GRIA1: variants seen among roughly 807,000 people sequenced by gnomAD.
GRIA1 encodes the protein glutamate receptor 1.
Under a neutral mutation model 99.2 loss-of-function variants are expected in GRIA1, and 31 were observed. That is an observed-to-expected ratio of 0.31 (90% CI 0.23 to 0.42). The LOEUF (loss-of-function observed/expected upper bound fraction) is 0.42, where lower values mean the gene tolerates loss of function less well. GRIA1 is among the 10% of genes least tolerant of loss of function. The pLI is 1.00. For synonymous variants in GRIA1, 438 were observed against 432.4 expected (o/e 1.01, Z -0.16); for missense variants, 782 against 1,157.5 (o/e 0.68, Z 4.71).
chr5:153,647,539 T>C (rs927122477), intron 3 of GRIA1, among the ~76,000 whole-genome samples: 7 of 152,174 alleles, frequency 4.6e-5, no homozygotes, highest in African/African-American at 1.7e-4. Flanking sequence ...TCAGCACTTA[T>C]ATAATGGGGA....
chr5:153,671,011 A>G (rs1251214561), intron 5 of GRIA1, among the ~76,000 whole-genome samples: 1 of 152,094 alleles, frequency 6.6e-6, no homozygotes, highest in Non-Finnish European at 1.5e-5. Context: ...ACCACAAGTT[A>G]TTTCCTAATT....
intron 2 of GRIA1, among the ~76,000 whole-genome samples, chr5:153,638,954 G>A (rs1753586817): frequency 6.6e-6 from 1 of 152,188 alleles, no homozygotes; most frequent in Admixed American, 6.5e-5. Flanking sequence ...GAGGCAGGAG[G>A]CCTGTGCAGG....
chr5:153,584,576 G>T (rs915875131), intron 2 of GRIA1, among the ~76,000 whole-genome samples: 5 of 152,106 alleles, frequency 3.3e-5, no homozygotes, highest in Admixed American at 1.3e-4. Flanking sequence ...TCAGCTAGTT[G>T]CCCAAATGAT....
chr5:153,685,550 A>G (rs921607541), intron 7 of GRIA1, among the ~76,000 whole-genome samples: 2 of 152,184 alleles, frequency 1.3e-5, no homozygotes, highest in Admixed American at 6.5e-5. Context: ...TGAAGTTTTC[A>G]CACCACTTTC....
Position 153,677,017 on chromosome 5 carries a change from T to TG in GRIA1, c.889dup (p.Val297GlyfsTer6). 6.6e-7 allele frequency: 1 copy of TG among 1,522,348 alleles called. No individual in the cohort carries two copies. The highest frequency in any genetic ancestry group is 8.9e-7 in the Non-Finnish European group (1 of 1,127,396). The allele number at this position is 1,522,348 out of a possible 1,614,324, so 94.3% of individuals were successfully genotyped here. ...AGTACACCTCTGCGCTCACCTACGATGGGGTGAAGGTGATGGCTGAGGCTT... is the reference window on the plus strand; with the variant it reads ...AGTACACCTCTGCGCTCACCTACGATGGGGGTGAAGGTGATGGCTGAGGCTT... On this transcript the variant is annotated frameshift_variant, in exon 7 of 16. Coordinates refer to ENST00000285900, the MANE Select transcript of GRIA1 (RefSeq NM_000827.4). LOFTEE classifies it high-confidence loss of function.
At chr5:153,575,082 G>C (rs1395778158) in intron 2 of GRIA1, among the ~76,000 whole-genome samples, 3 of 152,010 alleles carry the variant, frequency 2.0e-5, no homozygotes, top group African/African-American at 4.8e-5. Flanking sequence ...TTTTGAGCTG[G>C]CAATCTCAGG....
At chr5:153,698,223 G>C (rs556440531) in intron 9 of GRIA1, 69 bp downstream of exon 9, 2 of 836,956 alleles carry the variant, frequency 2.4e-6, no homozygotes, top group Non-Finnish European at 3.9e-6. Flanking sequence ...TTTTCCACCA[G>C]GACTGAAAGC....
Position 153,636,879 on chromosome 5 carries a change from A to G in GRIA1, c.221-10049A>G, listed in dbSNP as rs143798725. Among the ~76,000 whole-genome samples the G allele has an allele frequency of 3.9e-5, 6 of 152,342 alleles. No individual in the cohort carries two copies. In the East Asian group the frequency reaches 1.2e-3, roughly 29 times the overall value. On this transcript the variant is annotated intron_variant, in intron 2 of 15. Coordinates refer to ENST00000285900, the MANE Select transcript of GRIA1 (RefSeq NM_000827.4). ...AGAATGAAAGCTCTGGTTTGTGTTG[A>G]TGGACTCTCAGGGGATGGAGTAGCA...
chr5:153,750,315 C>T (rs1337794345), intron 11 of GRIA1, among the ~76,000 whole-genome samples: 3 of 152,204 alleles, frequency 2.0e-5, no homozygotes, highest in Non-Finnish European at 4.4e-5. Flanking sequence ...TGAGCCTGTG[C>T]CTTTATGCCC....
intron 3 of GRIA1, among the ~76,000 whole-genome samples, chr5:153,648,573 T>C (rs1478325858): frequency 1.3e-5 from 2 of 152,130 alleles, no homozygotes; most frequent in Non-Finnish European, 2.9e-5. Flanking sequence ...AAAGATTAAG[T>C]GGATTAAAAC....
At chr5:153,552,088 C>T (rs899647005) in intron 2 of GRIA1, among the ~76,000 whole-genome samples, 3 of 151,678 alleles carry the variant, frequency 2.0e-5, no homozygotes, top group Non-Finnish European at 2.9e-5. Context: ...TTTCTCTGCA[C>T]CAGAGGTCCC....
chr5:153,728,984 C>G (rs370734272), intron 11 of GRIA1, among the ~76,000 whole-genome samples: 5 of 134,590 alleles, frequency 3.7e-5, no homozygotes, highest in Non-Finnish European at 7.8e-5. Flanking sequence ...GGAACCAACC[C>G]AAATGTCCAA....
rs371085507 is a variant in GRIA1, at chr5:153,660,813, G to A, written c.699+4941G>A. ...GAAACACTCATTTGGTCTAAGATTT[G>A]CTTCTGGTGAGTCACAAAGGTAAGA... On this transcript the variant is annotated intron_variant, in intron 5 of 15. Transcript: ENST00000285900. Among the ~76,000 whole-genome samples, 13 of 152,274 alleles carry A rather than the reference G, an allele frequency of 8.5e-5. No individual in the cohort carries two copies. The South Asian group carries it at 2.7e-3, about 32-fold the overall frequency.
At chr5:153,651,137 T>C (rs1341289696) in intron 4 of GRIA1, among the ~76,000 whole-genome samples, 1 of 152,058 alleles carries the variant, frequency 6.6e-6, no homozygotes. Context: ...TTATGAAATG[T>C]TATCATATTA....
chr5:153,544,764 G>A lies in GRIA1; in HGVS notation c.220+50699G>A, dbSNP rs1172373129. ...ATAGCTAGTAAGATGGAAGAGACAT[G>A]GAAAGGATTCAGAAAATGACGTTGG... is the stretch of plus-strand genomic sequence containing the variant. On this transcript the variant is annotated intron_variant, in intron 2 of 15. Coordinates refer to ENST00000285900, the MANE Select transcript of GRIA1 (RefSeq NM_000827.4). 2.0e-5 allele frequency among the ~76,000 whole-genome samples: 3 copies of A among 152,166 alleles called. No individual in the cohort carries two copies. In the East Asian group the frequency reaches 5.8e-4, roughly 29 times the overall value.
At chr5:153,555,021 T>C (rs947573472) in intron 2 of GRIA1, among the ~76,000 whole-genome samples, 3 of 152,126 alleles carry the variant, frequency 2.0e-5, no homozygotes, top group African/African-American at 7.2e-5. Flanking sequence ...AACACATGGG[T>C]TCCTTTTGCT....
chr5:153,665,935 AT>A (rs1337940743), intron 5 of GRIA1, among the ~76,000 whole-genome samples: 1 of 152,192 alleles, frequency 6.6e-6, no homozygotes, highest in Non-Finnish European at 1.5e-5. Context: ...CAAAGTTCTT[AT>A]TTTGCAGATC....
Position 153,674,639 on chromosome 5 carries a change from G to T in GRIA1, c.839G>T (p.Arg280Leu), listed in dbSNP as rs538018115. The T allele has an allele frequency of 1.9e-6, 3 of 1,614,080 alleles. No individual in the cohort carries two copies. The highest frequency in any genetic ancestry group is 2.5e-6 in the Non-Finnish European group (3 of 1,179,968). ...WKNSDARDHT[R>L]VDWKRPKYTS... is the part of the protein sequence containing the mutation. ...AATAGTGATGCTCGAGACCACACAC[G>T]GGTGGACTGGAAGAGACCCAAGGTG... Residue 280 changes from arginine (R) to leucine (L), a missense_variant, in exon 6 of 16, where the codon CGG (arginine) becomes CTG (leucine). Arg to Leu is a moderately radical substitution (Grantham distance 102). Around this residue, in one of 5 missense-constraint regions of GRIA1, gnomAD observed 461 missense variants for 521.7 expected, o/e 0.88. Transcript: ENST00000285900.
At chr5:153,574,614 A>G (rs1762383039) in intron 2 of GRIA1, among the ~76,000 whole-genome samples, 1 of 152,192 alleles carries the variant, frequency 6.6e-6, no homozygotes, top group Middle Eastern at 3.2e-3. Flanking sequence ...TAATTTAAGT[A>G]TTATTATACT....
Sources: gnomAD v4.1 joint callset for allele counts (sites outside exome capture counted in the v4.1 genomes callset) on GRCh38, gnomAD v4.1.1 for gene constraint, gnomAD v4.1.1 regional missense constraint, MANE v1.5 for transcripts, NCBI Gene and HGNC (gene_info 2026-07-23, HGNC 2026-07-21) for gene names.